OSBPL6: variants seen among roughly 807,000 people sequenced by gnomAD.
OSBPL6 encodes the protein oxysterol binding protein like 6.
Under a neutral mutation model 125.8 loss-of-function variants are expected in OSBPL6, and 49 were observed. That is an observed-to-expected ratio of 0.39 (90% CI 0.31 to 0.49). The LOEUF is 0.49. Ranked by LOEUF, OSBPL6 falls within the 20% of genes least tolerant of loss-of-function variation. OSBPL6 has a pLI of 0.88. For missense variants in OSBPL6, 986 were observed against 1,135.4 expected (o/e 0.87, Z 1.89); for synonymous variants, 394 against 391.8 (o/e 1.01, Z -0.07).
At chr2:178,256,797 G>C (rs1183573450) in intron 1 of OSBPL6, among the ~76,000 whole-genome samples, 1 of 152,018 alleles carries the variant, frequency 6.6e-6, no homozygotes, top group East Asian at 1.9e-4. Flanking sequence ...CAGCATTCTG[G>C]CATGCCTAAC....
At chr2:178,343,086 G>A (rs373691611) in intron 11 of OSBPL6, among the ~76,000 whole-genome samples, 15 of 152,074 alleles carry the variant, frequency 9.9e-5, no homozygotes, top group African/African-American at 3.4e-4. Flanking sequence ...CGTAATTTTG[G>A]AACTTTTTTG....
At chr2:178,330,930 C>G (rs1187183327) in intron 5 of OSBPL6, among the ~76,000 whole-genome samples, 1 of 152,178 alleles carries the variant, frequency 6.6e-6, no homozygotes, top group African/African-American at 2.4e-5. Flanking sequence ...TTGCCAAAAA[C>G]CCCTCTCTTT....
intron 15 of OSBPL6, among the ~76,000 whole-genome samples, chr2:178,378,610 C>T (rs1343379603): frequency 6.6e-6 from 1 of 152,094 alleles, no homozygotes; most frequent in Non-Finnish European, 1.5e-5. Flanking sequence ...CTTTTGAATC[C>T]CTAAGTTTGT....
intron 1 of OSBPL6, among the ~76,000 whole-genome samples, chr2:178,195,100 C>G (rs1288909175): frequency 6.6e-6 from 1 of 152,186 alleles, no homozygotes; most frequent in East Asian, 1.9e-4. Flanking sequence ...AAAACCGAAC[C>G]GGCGCGGGTG....
rs533957190 is a variant in OSBPL6 at position 178,400,405 on chromosome 2, G to A, written c.*4846G>A. ...AGGTTCAAGGGATTCTTGTGCCTCA[G>A]CCTCCCGAGTAGCTGGGTTTACAGG... On this transcript the variant is annotated 3_prime_UTR_variant, in exon 25 of 25. Coordinates refer to ENST00000190611, the MANE Select transcript of OSBPL6 (RefSeq NM_032523.4). 5 of 151,762 alleles carry A rather than the reference G, an allele frequency of 3.3e-5. No homozygotes were observed. Among genetic ancestry groups the A allele is most frequent in the African/African-American group, 1.2e-4 (5 of 41,338 alleles). The allele number at this position is 151,762 out of a possible 1,614,324, so 9.4% of individuals were successfully genotyped here.
chr2:178,309,781 A>T (rs539246718), intron 3 of OSBPL6, among the ~76,000 whole-genome samples: 1 of 152,368 alleles, frequency 6.6e-6, no homozygotes, highest in Non-Finnish European at 1.5e-5. Context: ...TGCAATAAAC[A>T]TATTAATATA....
At chr2:178,207,729 G>A (rs2089614805) in intron 1 of OSBPL6, among the ~76,000 whole-genome samples, 1 of 152,076 alleles carries the variant, frequency 6.6e-6, no homozygotes, top group African/African-American at 2.4e-5. Flanking sequence ...TGTTTGTCTG[G>A]GGAGGAGGGT....
intron 21 of OSBPL6, among the ~76,000 whole-genome samples, chr2:178,390,082 G>A (rs1695270290): frequency 1.3e-5 from 2 of 152,270 alleles, no homozygotes; most frequent in South Asian, 4.1e-4. Context: ...TGGCTTTGTA[G>A]GCTATGAGAA....
chr2:178,344,419 A>G lies in OSBPL6; in HGVS notation c.987+4655A>G. 2.6e-6 allele frequency: 4 copies of G among 1,536,454 alleles called. No homozygotes were observed. The South Asian group carries it at 3.4e-5, about 13-fold the overall frequency. On this transcript the variant is annotated intron_variant, in intron 11 of 24. Transcript: ENST00000190611. ...TAAGAATGAGAACCTGTGTACAAGG[A>G]TGACTCCCCTGTCCTGATGGTGCCA...
rs577907607 is a variant in OSBPL6, at chr2:178,281,880, G to A, written c.-350-3047G>A. Among the ~76,000 whole-genome samples, 8 of 152,238 alleles carry A rather than the reference G, an allele frequency of 5.3e-5. No individual in the cohort carries two copies. In the East Asian group the frequency reaches 7.7e-4, roughly 15 times the overall value. On this transcript the variant is annotated intron_variant, in intron 1 of 24. Transcript: ENST00000190611. ...TCATACCTAGGTGACGGGTTGATAG[G>A]TGCAGCAAACCACCGTGGCACACAT... is the stretch of plus-strand genomic sequence containing the variant.
At chr2:178,323,171 A>G (rs1253722327) in intron 3 of OSBPL6, among the ~76,000 whole-genome samples, 2 of 152,144 alleles carry the variant, frequency 1.3e-5, no homozygotes, top group Admixed American at 6.5e-5. Context: ...TATCTAATTT[A>G]TATTTTCTTT....
At chr2:178,301,844 A>G (rs1294676637) in intron 2 of OSBPL6, among the ~76,000 whole-genome samples, 1 of 152,190 alleles carries the variant, frequency 6.6e-6, no homozygotes, top group African/African-American at 2.4e-5. Flanking sequence ...AAGAGCACTC[A>G]AGGTAGGTCT....
rs367561547 is a variant in OSBPL6 at position 178,364,572 on chromosome 2, A to G, written c.1287+2757A>G. Among the ~76,000 whole-genome samples the G allele has an allele frequency of 1.7e-4, 26 of 152,308 alleles. No homozygotes were observed. In the South Asian group the frequency reaches 5.0e-3, roughly 29 times the overall value. On this transcript the variant is annotated intron_variant, in intron 13 of 24. Coordinates refer to ENST00000190611, the MANE Select transcript of OSBPL6 (RefSeq NM_032523.4). ...AGCGGAATGTTAGAGAGGGACAAGG[A>G]CACAGAGTCGAGACAGTCCAGGGTT...
At chr2:178,211,968 C>A (rs1407151847) in intron 1 of OSBPL6, among the ~76,000 whole-genome samples, 1 of 152,130 alleles carries the variant, frequency 6.6e-6, no homozygotes, top group Non-Finnish European at 1.5e-5. Flanking sequence ...ATTTGAACAA[C>A]CCATGTTTTG....
chr2:178,196,170 A>G (rs1012251047), intron 1 of OSBPL6, among the ~76,000 whole-genome samples: 4 of 152,208 alleles, frequency 2.6e-5, no homozygotes, highest in Admixed American at 2.0e-4. Flanking sequence ...AGGGTTCCCA[A>G]GGTCGAAGGG....
At chr2:178,344,889 GT>G (rs1690558844) in intron 11 of OSBPL6, among the ~76,000 whole-genome samples, 2 of 151,896 alleles carry the variant, frequency 1.3e-5, no homozygotes, top group Admixed American at 1.3e-4. Context: ...AGGGAAAATT[GT>G]TTTCTGAAAA....
intron 1 of OSBPL6, among the ~76,000 whole-genome samples, chr2:178,263,019 C>CT (rs2092111149): frequency 6.6e-6 from 1 of 152,060 alleles, no homozygotes; most frequent in Non-Finnish European, 1.5e-5. Context: ...TAGACTCAGT[C>CT]TTTCGATGCT....
Position 178,374,162 on chromosome 2 carries a change from T to G in OSBPL6, c.1533+135T>G, listed in dbSNP as rs543126572. ...TTACATCATAGTAAAATGTCCAAAT[T>G]GCAGCAAAGCTAAAAGCATGCAAAC... On this transcript the variant is annotated intron_variant, in intron 15 of 24. Transcript: ENST00000190611. The G allele has an allele frequency of 2.4e-5, 26 of 1,101,520 alleles. No individual in the cohort carries two copies. The African/African-American group carries it at 3.3e-4, about 14-fold the overall frequency. The allele number at this position is 1,101,520 out of a possible 1,614,324, so 68.2% of individuals were successfully genotyped here.
chr2:178,244,082 AC>A (rs1281176513), intron 1 of OSBPL6, among the ~76,000 whole-genome samples: 1 of 152,140 alleles, frequency 6.6e-6, no homozygotes, highest in Admixed American at 6.5e-5. Flanking sequence ...GCCTACACCT[AC>A]CACCACCTCA....
Sources: gnomAD v4.1 joint callset for allele counts (sites outside exome capture counted in the v4.1 genomes callset) on GRCh38, gnomAD v4.1.1 for gene constraint, MANE v1.5 for transcripts, NCBI Gene and HGNC (gene_info 2026-07-23, HGNC 2026-07-21) for gene names.